Variants in SUCLG2 observed in about 807,000 individuals in gnomAD.
SUCLG2 encodes succinate--CoA ligase [GDP-forming] subunit beta, mitochondrial.
A neutral mutation model predicts 47.9 loss-of-function variants in SUCLG2; 42 were observed. That is an observed-to-expected ratio of 0.88 (90% CI 0.69 to 1.14). The LOEUF (loss-of-function observed/expected upper bound fraction) is 1.14. Ranked by LOEUF, SUCLG2 falls within the 50% of genes most tolerant of loss-of-function variation. The pLI is 0.00. For missense variants in SUCLG2, 571 were observed against 525.9 expected (o/e 1.09, Z -0.84); for synonymous variants, 195 against 197.3 (o/e 0.99, Z 0.10).
intron 2 of SUCLG2, among the ~76,000 whole-genome samples, chr3:67,593,396 T>A (rs534581119): frequency 1.4e-4 from 22 of 152,122 alleles, no homozygotes; most frequent in Admixed American, 9.8e-4. Flanking sequence ...GTCTAACACA[T>A]ATAACACATT....
chr3:67,400,579 G>A, intron 10 of SUCLG2, 152 bp downstream of exon 10: 1 of 1,050,906 alleles, frequency 9.5e-7, no homozygotes. Context: ...TTTGCTAGAG[G>A]CCCAGGGAAG....
rs570715208 is a variant in SUCLG2 at position 67,591,994 on chromosome 3, T to C, written c.226+17461A>G. On this transcript the variant is annotated intron_variant, in intron 2 of 10. Coordinates refer to ENST00000307227, the MANE Select transcript of SUCLG2 (RefSeq NM_003848.4). ...ATAATAAAGGAGTTAACATTTATTG[T>C]CTTTTGTATTGATTGATTTCCATAC... is the stretch of plus-strand genomic sequence containing the variant. Among the ~76,000 whole-genome samples the C allele has an allele frequency of 3.6e-4, 55 of 152,342 alleles. 2 individuals are homozygous for C. The South Asian group carries it at 6.6e-3, about 18-fold the overall frequency.
At chr3:67,361,378 A>G (rs1256656490) in intron 10 of SUCLG2, among the ~76,000 whole-genome samples, 1 of 152,238 alleles carries the variant, frequency 6.6e-6, no homozygotes, top group Non-Finnish European at 1.5e-5. Flanking sequence ...TACAAAGTCT[A>G]GCAGCATGAG....
intron 10 of SUCLG2, among the ~76,000 whole-genome samples, chr3:67,395,699 C>A (rs1702508027): frequency 6.6e-6 from 1 of 152,160 alleles, no homozygotes; most frequent in Non-Finnish European, 1.5e-5. Context: ...ACTCTCCACC[C>A]CAAATCAACA....
chr3:67,560,454 G>A (rs886678469), intron 2 of SUCLG2, among the ~76,000 whole-genome samples: 3 of 152,152 alleles, frequency 2.0e-5, no homozygotes, highest in African/African-American at 4.8e-5. Context: ...GGTAAAGAAC[G>A]TGAGATCTGG....
chr3:67,398,394 T>C (rs1702601474), intron 10 of SUCLG2, among the ~76,000 whole-genome samples: 1 of 151,548 alleles, frequency 6.6e-6, no homozygotes, highest in Non-Finnish European at 1.5e-5. Context: ...AGAAGACATT[T>C]ATGAAGCCAA....
intron 9 of SUCLG2, among the ~76,000 whole-genome samples, chr3:67,431,139 A>T (rs1703468784): frequency 6.6e-6 from 1 of 151,720 alleles, no homozygotes; most frequent in Admixed American, 6.6e-5. Flanking sequence ...CCTGGCAGAG[A>T]CACAACAAAA....
At chr3:67,570,341 C>T (rs1707573017) in intron 2 of SUCLG2, among the ~76,000 whole-genome samples, 1 of 152,244 alleles carries the variant, frequency 6.6e-6, no homozygotes, top group South Asian at 2.1e-4. Context: ...TACCACACTA[C>T]TTCATCTACA....
intron 9 of SUCLG2, among the ~76,000 whole-genome samples, chr3:67,410,499 A>G (rs186488886): frequency 1.3e-5 from 2 of 152,268 alleles, no homozygotes; most frequent in Admixed American, 6.5e-5. Flanking sequence ...CACAGTTTCT[A>G]TTTTTTTACA....
rs185348867 is a variant in SUCLG2 at position 67,438,909 on chromosome 3, C to A, written c.1063-38058G>T. Among the ~76,000 whole-genome samples, 141 of 152,218 alleles carry A rather than the reference C, an allele frequency of 9.3e-4. 3 individuals carry two copies. Among genetic ancestry groups the A allele is most frequent in the Admixed American group, 9.2e-3 (140 of 15,282 alleles). ...TTATAAGGACTGCATCATCCTGATACCAAAACCTGGAAGAGACACAATAAA... is the reference window on the plus strand; with the variant it reads ...TTATAAGGACTGCATCATCCTGATAACAAAACCTGGAAGAGACACAATAAA... On this transcript the variant is annotated intron_variant, in intron 9 of 10. Coordinates refer to ENST00000307227, the MANE Select transcript of SUCLG2 (RefSeq NM_003848.4).
Position 67,651,408 on chromosome 3 carries a change from T to C in SUCLG2, c.84+3095A>G, listed in dbSNP as rs528930112. On this transcript the variant is annotated intron_variant, in intron 1 of 10. Transcript: ENST00000307227. ...GCTGTCTGCTCTGCCTAACACACTCTTCCCCTTAGTCTCACCTAGCTGGCT... is the reference window on the plus strand; with the variant it reads ...GCTGTCTGCTCTGCCTAACACACTCCTCCCCTTAGTCTCACCTAGCTGGCT... 1.7e-4 allele frequency among the ~76,000 whole-genome samples: 26 copies of C among 152,320 alleles called. No individual in the cohort carries two copies. In the South Asian group the frequency reaches 2.1e-3, roughly 12 times the overall value.
intron 7 of SUCLG2, among the ~76,000 whole-genome samples, chr3:67,499,447 C>G (rs986119578): frequency 1.1e-4 from 16 of 152,124 alleles, no homozygotes; most frequent in Admixed American, 5.2e-4. Flanking sequence ...TGGTCAGTCA[C>G]AAAGCCAGGA....
chr3:67,639,056 C>T (rs1701054525), intron 1 of SUCLG2, among the ~76,000 whole-genome samples: 1 of 152,182 alleles, frequency 6.6e-6, no homozygotes, highest in African/African-American at 2.4e-5. Flanking sequence ...AGATCCAGTA[C>T]AGCCATGTGT....
chr3:67,647,868 C>A (rs978337112), intron 1 of SUCLG2, among the ~76,000 whole-genome samples: 2 of 152,156 alleles, frequency 1.3e-5, no homozygotes, highest in Admixed American at 1.3e-4. Flanking sequence ...TTTCACATGG[C>A]TACTGCAAGG....
chr3:67,415,744 A>G lies in SUCLG2; in HGVS notation c.1063-14893T>C, dbSNP rs112477408. On this transcript the variant is annotated intron_variant, in intron 9 of 10. Transcript: ENST00000307227. ...TCCCTTGAAGATCTCCTTCCATGGT[A>G]GTTTTAAAATATGCCCACAAATCCC... Among the ~76,000 whole-genome samples, 2 of 152,340 alleles carry G rather than the reference A, an allele frequency of 1.3e-5. 1 individual carries two copies. Among genetic ancestry groups the G allele is most frequent in the African/African-American group, 4.8e-5 (2 of 41,584 alleles).
At chr3:67,386,289 G>A (rs959629904) in intron 10 of SUCLG2, among the ~76,000 whole-genome samples, 22 of 151,426 alleles carry the variant, frequency 1.5e-4, no homozygotes, top group African/African-American at 4.8e-4. Context: ...AGTAGAGACG[G>A]GGTTTCACCG....
At chr3:67,613,125 G>T (rs1275505934) in intron 1 of SUCLG2, among the ~76,000 whole-genome samples, 2 of 152,114 alleles carry the variant, frequency 1.3e-5, no homozygotes, top group Non-Finnish European at 2.9e-5. Context: ...TATTACATAG[G>T]CATGATTGTT....
chr3:67,386,237 C>T (rs917108871), intron 10 of SUCLG2, among the ~76,000 whole-genome samples: 5 of 151,286 alleles, frequency 3.3e-5, no homozygotes, highest in African/African-American at 9.7e-5. Flanking sequence ...TACAGGCGCC[C>T]GCCACCACGC....
At chr3:67,623,676 G>A (rs1256610568) in intron 1 of SUCLG2, among the ~76,000 whole-genome samples, 2 of 152,134 alleles carry the variant, frequency 1.3e-5, no homozygotes, top group Admixed American at 6.5e-5. Context: ...ACTCAGAGAA[G>A]GGAAAGTACT....
Sources: allele counts gnomAD v4.1 joint callset (sites outside exome capture counted in the v4.1 genomes callset), GRCh38; gene constraint gnomAD v4.1.1; transcripts MANE v1.5; gene names NCBI Gene and HGNC (gene_info 2026-07-23, HGNC 2026-07-21).